CCDC33: variants seen among roughly 807,000 people sequenced by gnomAD.
The protein encoded by CCDC33 is coiled-coil domain-containing protein 33.
Under a neutral mutation model 91.9 loss-of-function variants are expected in CCDC33, and 94 were observed. The observed-to-expected ratio is 1.02, with a 90% CI of 0.87 to 1.21. The LOEUF (loss-of-function observed/expected upper bound fraction) is 1.21, where lower values mean the gene tolerates loss of function less well. CCDC33 is among the 50% of genes most tolerant of loss of function. CCDC33 has a pLI of 0.00. For missense variants in CCDC33, 940 were observed against 935.5 expected (o/e 1.00, Z -0.06); for synonymous variants, 396 against 374.5 (o/e 1.06, Z -0.66).
At chr15:74,309,466 C>T (rs1328889751) in intron 11 of CCDC33, among the ~76,000 whole-genome samples, 3 of 152,076 alleles carry the variant, frequency 2.0e-5, no homozygotes, top group Admixed American at 6.5e-5. Context: ...TGTTTACCTC[C>T]TACTCGGCTC....
At chr15:74,253,372 T>A (rs2075767868) in intron 2 of CCDC33, among the ~76,000 whole-genome samples, 1 of 152,156 alleles carries the variant, frequency 6.6e-6, no homozygotes, top group Non-Finnish European at 1.5e-5. Flanking sequence ...GGGTCTAGCT[T>A]GTAGTGGAGT....
At chr15:74,267,845 C>T (rs1789728623) in intron 4 of CCDC33, among the ~76,000 whole-genome samples, 2 of 152,190 alleles carry the variant, frequency 1.3e-5, no homozygotes, top group Admixed American at 6.5e-5. Flanking sequence ...GTTACCCTCC[C>T]CCATCCCTCC....
At chr15:74,210,834 CAAA>C (rs1242537933) in intron 2 of CCDC33, among the ~76,000 whole-genome samples, 1 of 152,030 alleles carries the variant, frequency 6.6e-6, no homozygotes, top group Non-Finnish European at 1.5e-5. Context: ...GTTGTGTTCT[CAAA>C]AAGAGAGGTG....
chr15:74,258,645 C>CGCATGTGTGT (rs1174210765), intron 2 of CCDC33, among the ~76,000 whole-genome samples: 3 of 151,966 alleles, frequency 2.0e-5, no homozygotes, highest in Non-Finnish European at 4.4e-5. Flanking sequence ...TGCATTTGTG[C>CGCATGTGTGT]GCATGTGTGT....
chr15:74,224,759 C>A (rs549877162), intron 2 of CCDC33, among the ~76,000 whole-genome samples: 68 of 152,308 alleles, frequency 4.5e-4, no homozygotes, highest in African/African-American at 1.6e-3. Context: ...GTTAGCCTTG[C>A]CCTGCAGTAA....
intron 2 of CCDC33, among the ~76,000 whole-genome samples, chr15:74,258,047 C>T (rs2075919813): frequency 6.6e-6 from 1 of 152,242 alleles, no homozygotes; most frequent in Non-Finnish European, 1.5e-5. Flanking sequence ...ACCATTACAC[C>T]TTGACAGCTG....
chr15:74,324,260 T>G (rs1327943411), intron 11 of CCDC33, among the ~76,000 whole-genome samples: 1 of 152,146 alleles, frequency 6.6e-6, no homozygotes, highest in Non-Finnish European at 1.5e-5. Flanking sequence ...ACGGCTCTTT[T>G]GCTCACCTTG....
chr15:74,305,227 G>A (rs1311036538), intron 11 of CCDC33, among the ~76,000 whole-genome samples: 2 of 152,150 alleles, frequency 1.3e-5, no homozygotes, highest in African/African-American at 2.4e-5. Flanking sequence ...GATTACAGGC[G>A]TGAGCCACCA....
intron 2 of CCDC33, among the ~76,000 whole-genome samples, chr15:74,255,089 C>T (rs1465560097): frequency 6.9e-6 from 1 of 144,350 alleles, no homozygotes; most frequent in Non-Finnish European, 1.5e-5. Flanking sequence ...AGGCATCCCC[C>T]TTTCCCCCCA....
At chr15:74,269,967 C>A (rs918806839) in intron 5 of CCDC33, among the ~76,000 whole-genome samples, 27 of 152,208 alleles carry the variant, frequency 1.8e-4, no homozygotes, top group African/African-American at 6.5e-4. Flanking sequence ...TTTAGTCTTA[C>A]ACCTGCTGGG....
chr15:74,207,664 T>C (rs575199166), intron 1 of CCDC33: 7 of 1,527,646 alleles, frequency 4.6e-6, no homozygotes, highest in Non-Finnish European at 6.1e-6. Context: ...AAGAGAGGCG[T>C]TCCAGGAGTG....
chr15:74,208,749 C>T (rs973483995), intron 1 of CCDC33: 5 of 988,746 alleles, frequency 5.1e-6, no homozygotes, highest in Non-Finnish European at 6.0e-6. Flanking sequence ...TCTCGCTGTT[C>T]CCCGACCTGT....
chr15:74,257,680 C>T (rs1405054555), intron 2 of CCDC33, among the ~76,000 whole-genome samples: 2 of 152,240 alleles, frequency 1.3e-5, no homozygotes, highest in South Asian at 2.1e-4. Flanking sequence ...CAAGCCTCAC[C>T]TTCTCTCCTC....
At chr15:74,245,960 G>C (rs1212552546) in intron 2 of CCDC33, among the ~76,000 whole-genome samples, 1 of 152,176 alleles carries the variant, frequency 6.6e-6, no homozygotes, top group East Asian at 1.9e-4. Context: ...GAGCTGTCAG[G>C]ACCTGAAGGG....
In CCDC33 at chr15:74,280,792, C is replaced by A; in HGVS notation, c.1014C>A (p.Leu338=). 1 of 1,532,254 alleles carries A rather than the reference C, an allele frequency of 6.5e-7. No individual in the cohort carries two copies. The highest frequency in any genetic ancestry group is 8.8e-7 in the Non-Finnish European group (1 of 1,139,050). The allele number at this position is 1,532,254 out of a possible 1,614,324, so 94.9% of individuals were successfully genotyped here. ...KGLDGLHVER[L]PIMDTSLKTI... is the part of the protein sequence containing the mutation. ...TGGACGGGCTTCACGTGGAGCGGCT[C>A]CCCATCATGGTGAGCCCCCTGCCCT... Residue 338 remains leucine, a synonymous_variant, in exon 9 of 19, where the codon CTC becomes CTA. Transcript: ENST00000398814.
At chr15:74,277,094 G>T (rs2076469604) in intron 7 of CCDC33, among the ~76,000 whole-genome samples, 1 of 152,238 alleles carries the variant, frequency 6.6e-6, no homozygotes. Flanking sequence ...GCTGAGTTCA[G>T]TGAAGTTGAA....
intron 11 of CCDC33, among the ~76,000 whole-genome samples, chr15:74,310,629 G>A (rs1037033585): frequency 2.6e-5 from 4 of 152,186 alleles, no homozygotes. Context: ...AGCAGGGAGG[G>A]TACCCGCCAG....
chr15:74,266,171 G>A (rs575080064), intron 3 of CCDC33, among the ~76,000 whole-genome samples: 23 of 152,296 alleles, frequency 1.5e-4, no homozygotes, highest in Non-Finnish European at 1.5e-5. Context: ...CTGTATTAAA[G>A]GATTTCCTTG....
chr15:74,330,942 C>A, intron 13 of CCDC33, 39 bp from the exon 14 acceptor site: 1 of 1,557,934 alleles, frequency 6.4e-7, no homozygotes. Flanking sequence ...GACTCCCAGG[C>A]ACCCATTCTC....
Sources: gnomAD v4.1 joint callset for allele counts (sites outside exome capture counted in the v4.1 genomes callset) on GRCh38, gnomAD v4.1.1 for gene constraint, MANE v1.5 for transcripts, NCBI Gene and HGNC (gene_info 2026-07-23, HGNC 2026-07-21) for gene names.